NEK10: variants seen among roughly 807,000 people sequenced by gnomAD.
NEK10 encodes NIMA related kinase 10, also known as serine/threonine-protein kinase Nek10.
NEK10 carries 122 observed loss-of-function variants against 159.8 expected under a neutral mutation model. The observed-to-expected ratio is 0.76, with a 90% CI of 0.66 to 0.89. The LOEUF (loss-of-function observed/expected upper bound fraction) is 0.89. NEK10 is among the 40% of genes least tolerant of loss of function. The pLI is 0.00. For missense variants in NEK10, 1,342 were observed against 1,323.1 expected, an observed-to-expected ratio of 1.01 and a Z score of -0.22; for synonymous variants, 466 against 457.1, an observed-to-expected ratio of 1.02 and a Z score of -0.25.
chr3:27,302,881 G>A (rs2043941557), intron 12 of NEK10, among the ~76,000 whole-genome samples: 1 of 152,098 alleles, frequency 6.6e-6, no homozygotes, highest in African/African-American at 2.4e-5. Context: ...TCAAATTGTA[G>A]GGATCTCTTC....
intron 23 of NEK10, among the ~76,000 whole-genome samples, chr3:27,211,621 C>G (rs1362422585): frequency 6.6e-6 from 1 of 152,168 alleles, no homozygotes; most frequent in African/African-American, 2.4e-5. Context: ...CCCTGTCCCA[C>G]CCATGTTAGC....
intron 32 of NEK10, among the ~76,000 whole-genome samples, chr3:27,122,084 T>C (rs139986478): frequency 8.6e-4 from 131 of 152,310 alleles, no homozygotes; most frequent in African/African-American, 2.6e-3. Flanking sequence ...AAAAAATATA[T>C]GATTATATCC....
chr3:27,275,346 G>T (rs1258748696), intron 22 of NEK10, among the ~76,000 whole-genome samples: 1 of 152,158 alleles, frequency 6.6e-6, no homozygotes, highest in Non-Finnish European at 1.5e-5. Context: ...TCCTTTTTAT[G>T]TTATGAGACC....
chr3:27,262,443 A>G (rs920828215), intron 22 of NEK10, among the ~76,000 whole-genome samples: 32 of 152,120 alleles, frequency 2.1e-4, no homozygotes, highest in Non-Finnish European at 3.7e-4. Context: ...ACTTGGTTCC[A>G]TTCTCCCCGT....
chr3:27,332,011 C>A (rs1339937474), intron 5 of NEK10, among the ~76,000 whole-genome samples: 1 of 152,064 alleles, frequency 6.6e-6, no homozygotes, highest in Non-Finnish European at 1.5e-5. Context: ...AGAATGAGTA[C>A]CTTGGACAAG....
At chr3:27,339,352 G>GA (rs926001564) in intron 5 of NEK10, among the ~76,000 whole-genome samples, 1 of 151,814 alleles carries the variant, frequency 6.6e-6, no homozygotes, top group Non-Finnish European at 1.5e-5. Context: ...AAATTTACAA[G>GA]AAAAAAACAA....
intron 22 of NEK10, among the ~76,000 whole-genome samples, chr3:27,284,205 G>A (rs2042407271): frequency 6.6e-6 from 1 of 152,092 alleles, no homozygotes; most frequent in Non-Finnish European, 1.5e-5. Flanking sequence ...GGCCAACATG[G>A]TGAAACCCTG....
At chr3:27,341,253 T>C (rs1270357538) in intron 5 of NEK10, among the ~76,000 whole-genome samples, 2 of 152,106 alleles carry the variant, frequency 1.3e-5, no homozygotes, top group Non-Finnish European at 2.9e-5. Flanking sequence ...ACAAATGTAT[T>C]GTTAGATGAA....
At chr3:27,299,831 C>T (rs764757398) in intron 13 of NEK10, among the ~76,000 whole-genome samples, 9 of 152,134 alleles carry the variant, frequency 5.9e-5, no homozygotes, top group Admixed American at 2.6e-4. Context: ...CTGTAGCCCC[C>T]CTTTGTTTTG....
chr3:27,230,277 A>G (rs1434232751), intron 23 of NEK10, among the ~76,000 whole-genome samples: 1 of 152,102 alleles, frequency 6.6e-6, no homozygotes, highest in African/African-American at 2.4e-5. Flanking sequence ...ACTAAGCTTC[A>G]TAAATAAAGG....
chr3:27,336,107 G>A (rs944999098), intron 5 of NEK10, among the ~76,000 whole-genome samples: 10 of 151,914 alleles, frequency 6.6e-5, no homozygotes, highest in East Asian at 3.9e-4. Context: ...TTAATGAATC[G>A]CTAGCTAGAC....
intron 11 of NEK10, among the ~76,000 whole-genome samples, chr3:27,306,712 T>G (rs2044271639): frequency 6.6e-6 from 1 of 152,226 alleles, no homozygotes; most frequent in African/African-American, 2.4e-5. Flanking sequence ...AGGGTTAATG[T>G]GCAGATCACA....
intron 20 of NEK10, among the ~76,000 whole-genome samples, chr3:27,285,825 C>A (rs1201438540): frequency 6.6e-6 from 1 of 152,100 alleles, no homozygotes; most frequent in African/African-American, 2.4e-5. Context: ...TATTTCAGTA[C>A]ACACAGATCC....
intron 1 of NEK10, among the ~76,000 whole-genome samples, chr3:27,360,152 C>T (rs1435058548): frequency 6.6e-6 from 1 of 152,166 alleles, no homozygotes; most frequent in African/African-American, 2.4e-5. Context: ...CCTTATATTA[C>T]ATTGTTATTG....
chr3:27,260,748 A>G (rs960639056), intron 22 of NEK10, among the ~76,000 whole-genome samples: 1 of 152,024 alleles, frequency 6.6e-6, no homozygotes, highest in East Asian at 1.9e-4. Context: ...ATGAGTTAGG[A>G]AGGATTCCCT....
chr3:27,279,184 A>G (rs2041975615), intron 22 of NEK10, among the ~76,000 whole-genome samples: 1 of 152,214 alleles, frequency 6.6e-6, no homozygotes, highest in Admixed American at 6.5e-5. Flanking sequence ...TAATTCACCT[A>G]TATTGAGAAA....
At chr3:27,244,344 T>C (rs149295855) in intron 23 of NEK10, among the ~76,000 whole-genome samples, 164 of 152,350 alleles carry the variant, frequency 1.1e-3, no homozygotes, top group Non-Finnish European at 2.0e-3. Flanking sequence ...TTCTACTAGT[T>C]GCCCAGTCCA....
At chr3:27,225,159 T>G (rs1952497272) in intron 23 of NEK10, among the ~76,000 whole-genome samples, 1 of 152,178 alleles carries the variant, frequency 6.6e-6, no homozygotes, top group Non-Finnish European at 1.5e-5. Flanking sequence ...GCAGGAAGCA[T>G]CCAGCATGGG....
chr3:27,209,439 T>C lies in NEK10; in HGVS notation c.2091-6882A>G, dbSNP rs1246474260. Among the ~76,000 whole-genome samples, 3 of 152,320 alleles carry C rather than the reference T, an allele frequency of 2.0e-5. No homozygotes were observed. The East Asian group carries it at 5.8e-4, about 29-fold the overall frequency. ...CATTTGGGACACTTCTCTAAATGCTTTCTATTTCTCTCATGTTGCATGAAG... is the reference window on the plus strand; with the variant it reads ...CATTTGGGACACTTCTCTAAATGCTCTCTATTTCTCTCATGTTGCATGAAG... On this transcript the variant is annotated intron_variant, in intron 23 of 35. Transcript: ENST00000691995.
Sources: allele counts gnomAD v4.1 joint callset (sites outside exome capture counted in the v4.1 genomes callset), GRCh38; gene constraint gnomAD v4.1.1; transcripts MANE v1.5; gene names NCBI Gene and HGNC (gene_info 2026-07-23, HGNC 2026-07-21).